ZNF524: variants seen among roughly 807,000 people sequenced by gnomAD.
ZNF524 encodes zinc finger protein 524.
For missense variants in ZNF524, 388 were observed against 380.1 expected, an observed-to-expected ratio of 1.02 and a Z score of -0.17; for synonymous variants, 194 against 166.3, an observed-to-expected ratio of 1.17 and a Z score of -1.28.
Position 55,603,058 on chromosome 19 carries a change from C to A in ZNF524, c.*151C>A. The A allele has an allele frequency of 1.1e-6, 1 of 932,374 alleles. No individual in the cohort carries two copies. The highest frequency in any genetic ancestry group is 1.7e-5 in the African/African-American group (1 of 59,764). 57.8% of individuals were successfully genotyped at this position (932,374 alleles called of 1,614,324 possible). On this transcript the variant is annotated 3_prime_UTR_variant, in exon 2 of 2. Transcript: ENST00000301073. ...AGGGTGGAGACCTAAACTTTGGGGT[C>A]CAGCTGCCTTCAGCCCCCCTCCCCC...
At position 55,603,054 on chromosome 19, in the gene ZNF524, G is replaced by A. The variant is rs114204905; in HGVS notation, c.*147G>A. 2,200 of 965,508 alleles carry A rather than the reference G, an allele frequency of 2.3e-3. 44 individuals are homozygous for A. In the African/African-American group the frequency reaches 0.033, roughly 14 times the overall value. The allele number at this position is 965,508 out of a possible 1,614,324, so 59.8% of individuals were successfully genotyped here. A position where few individuals can be genotyped will look rare whatever the true frequency, so the allele number is the denominator to read the frequency against. On this transcript the variant is annotated 3_prime_UTR_variant, in exon 2 of 2. Transcript: ENST00000301073. ...GTGGAGGGTGGAGACCTAAACTTTG[G>A]GGTCCAGCTGCCTTCAGCCCCCCTC...
chr19:55,602,798 T>G lies in ZNF524; in HGVS notation c.686T>G (p.Leu229Arg). Residue 229 changes from leucine (L) to arginine (R), a missense_variant, in exon 2 of 2, where the codon CTG becomes CGG. Physicochemically the swap from Leu to Arg is moderately radical, Grantham distance 102 (BLOSUM62 -2). Coordinates refer to ENST00000301073, the MANE Select transcript of ZNF524 (RefSeq NM_153219.4). The stretch of plus-strand genomic sequence containing the variant: ...CACCCGGAGGCCATGGGGGTACCCC[T>G]GTGTGCACCAGATCCAGGGTCTGAA... Reference protein sequence around the residue: ...RKHPEAMGVPLCAPDPGSEPP... With the variant: ...RKHPEAMGVPRCAPDPGSEPP... 6.2e-7 allele frequency: 1 copy of G among 1,611,278 alleles called. No individual in the cohort carries two copies.
At chr19:55,602,053 C>T (rs1980706342) in intron 1 of ZNF524, 22 bp from the exon 2 acceptor site, 2 of 1,476,028 alleles carry the variant, frequency 1.4e-6, no homozygotes, top group South Asian at 1.4e-5. Context: ...TGAGCACTGA[C>T]TCTGCCCCTC....
In ZNF524 at chr19:55,602,850, G is replaced by A; in HGVS notation, c.738G>A (p.Pro246=). 1.2e-6 allele frequency: 2 copies of A among 1,607,216 alleles called. No individual in the cohort carries two copies. Among genetic ancestry groups the A allele is most frequent in the Non-Finnish European group, 1.7e-6 (2 of 1,177,984 alleles). The stretch of plus-strand genomic sequence containing the variant: ...CGCCGTGGGACGAGGAGGGCATCCC[G>A]GCCACAGCAGGGGCCGAGGAGGAGG... The part of the protein sequence containing the change: ...SEPPWDEEGI[P]ATAGAEEEEE... Residue 246 remains proline, a synonymous_variant, in exon 2 of 2, where the codon CCG becomes CCA. Transcript: ENST00000301073.
upstream of ZNF524, chr19:55,599,590 C>G (rs1363028512): frequency 6.6e-6 from 1 of 152,462 alleles, no homozygotes; most frequent in South Asian, 2.0e-4. Flanking sequence ...TTCTCCCGCC[C>G]TCTTGGCTCC....
At chr19:55,600,089 G>C (rs1185299146), upstream of ZNF524, 5 of 152,250 alleles carry the variant, frequency 3.3e-5, no homozygotes, top group Admixed American at 3.3e-4. Flanking sequence ...GAGGTGGTTG[G>C]GGATGTGGTG....
intron 1 of ZNF524, 96 bp downstream of exon 1, chr19:55,600,504 CT>C (rs1980611838): frequency 6.6e-6 from 1 of 150,746 alleles, no homozygotes; most frequent in Non-Finnish European, 1.5e-5. Context: ...ACACCTGTTC[CT>C]GCTCCCGCGC....
In ZNF524 at chr19:55,602,244, G is replaced by T; in HGVS notation, c.132G>T (p.Arg44=). 1.2e-6 allele frequency: 2 copies of T among 1,611,366 alleles called. No homozygotes were observed. Among genetic ancestry groups the T allele is most frequent in the Non-Finnish European group, 1.7e-6 (2 of 1,179,100 alleles). The change falls in exon 2 of 2, where the codon CGG becomes CGT. Residue 44 remains arginine (R), a synonymous_variant. Transcript: ENST00000301073. ...CTGGGGGAGCCACCTCCTCAAATCG[G>T]ACACTCAAGGCCTCCCTCCCTCGCA... is the stretch of plus-strand genomic sequence containing the variant. The part of the protein sequence containing the change: ...RRPGGATSSN[R]TLKASLPRKR...
chr19:55,603,128 T>G lies in ZNF524; in HGVS notation c.*221T>G. ...GGCAGGGGCTGTGGAAATAAATCTC[T>G]GCCTGCTGGCTGCCTGTGTGTGTTC... On this transcript the variant is annotated 3_prime_UTR_variant, in exon 2 of 2. Coordinates refer to ENST00000301073, the MANE Select transcript of ZNF524 (RefSeq NM_153219.4). The G allele has an allele frequency of 3.4e-6, 2 of 591,732 alleles. No individual in the cohort carries two copies. Among genetic ancestry groups the G allele is most frequent in the Non-Finnish European group, 6.0e-6 (2 of 331,630 alleles). 36.7% of individuals were successfully genotyped at this position (591,732 alleles called of 1,614,324 possible).
At position 55,602,701 on chromosome 19, in the gene ZNF524, C is replaced by T. The variant is rs1329455106; in HGVS notation, c.589C>T (p.Pro197Ser). 6.2e-7 allele frequency: 1 copy of T among 1,602,340 alleles called. No individual in the cohort carries two copies. Residue 197 changes from proline (P) to serine (S), a missense_variant, in exon 2 of 2, where the codon CCG becomes TCG. Physicochemically the swap from Pro to Ser is moderately conservative, Grantham distance 74 (BLOSUM62 -1). Transcript: ENST00000301073. ...HHHRVHSGER[P>S]YQCPICRLRF... ...CCACCGCGTGCACTCGGGGGAGCGCCCGTACCAGTGCCCCATCTGCCGGCT... is the reference window on the plus strand; with the variant it reads ...CCACCGCGTGCACTCGGGGGAGCGCTCGTACCAGTGCCCCATCTGCCGGCT...
rs1363285687 is a variant in ZNF524, at chr19:55,600,323, C to A, written c.-124C>A. The A allele has an allele frequency of 6.7e-6, 1 of 149,868 alleles. No individual in the cohort carries two copies. The highest frequency in any genetic ancestry group is 1.5e-5 in the Non-Finnish European group (1 of 67,236). 9.3% of individuals were successfully genotyped at this position (149,868 alleles called of 1,614,324 possible). A position where few individuals can be genotyped will look rare whatever the true frequency, so the allele number is the denominator to read the frequency against. ...CCTCGCCGCCGCCGAGGGGCAGGGC[C>A]CCCTCACCCCCTCCCCTTCCCACGC... On this transcript the variant is annotated 5_prime_UTR_variant, in exon 1 of 2. Transcript: ENST00000301073.
chr19:55,601,254 C>T (rs1289244236), intron 1 of ZNF524: 1 of 152,240 alleles, frequency 6.6e-6, no homozygotes, highest in East Asian at 1.9e-4. Context: ...AGGCAACTGA[C>T]TTGGCTTTCC....
In ZNF524 at chr19:55,603,105, C is replaced by T. The variant is rs539980552; in HGVS notation, c.*198C>T. 4 of 641,788 alleles carry T rather than the reference C, an allele frequency of 6.2e-6. No individual in the cohort carries two copies. Among genetic ancestry groups the T allele is most frequent in the Non-Finnish European group, 1.1e-5 (4 of 371,074 alleles). The allele number at this position is 641,788 out of a possible 1,614,324, so 39.8% of individuals were successfully genotyped here. On this transcript the variant is annotated 3_prime_UTR_variant, in exon 2 of 2. Transcript: ENST00000301073. ...CCCCAGACTAACAGACCCTTGGAGGCAGGGGCTGTGGAAATAAATCTCTGC... is the reference window on the plus strand; with the variant it reads ...CCCCAGACTAACAGACCCTTGGAGGTAGGGGCTGTGGAAATAAATCTCTGC...
At position 55,602,182 on chromosome 19, in the gene ZNF524, T is replaced by C. The variant is rs150790619; in HGVS notation, c.70T>C (p.Ser24Pro). The stretch of plus-strand genomic sequence containing the variant: ...GGAGGAAGAGAAACCTCTGGCCTTA[T>C]CTCCTCCTGTTCCCCGGGGCCGCCG... The part of the protein sequence containing the change: ...PGEEEKPLAL[S>P]PPVPRGRRGR... The change falls in exon 2 of 2, where the codon TCT becomes CCT. Residue 24 changes from serine to proline, a missense_variant. Coordinates refer to ENST00000301073, the MANE Select transcript of ZNF524 (RefSeq NM_153219.4). The C allele has an allele frequency of 8.1e-5, 130 of 1,608,302 alleles. No individual in the cohort carries two copies. The African/African-American group carries it at 1.4e-3, about 17-fold the overall frequency.
chr19:55,600,533 G>C (rs916278092), intron 1 of ZNF524, 125 bp downstream of exon 1: 4 of 146,344 alleles, frequency 2.7e-5, no homozygotes, highest in African/African-American at 1.0e-4. Context: ...CCGCGAAGCC[G>C]TCCGGGCGCG....
Position 55,602,330 on chromosome 19 carries a change from C to T in ZNF524, c.218C>T (p.Thr73Ile), listed in dbSNP as rs1980730424. 3 of 1,578,108 alleles carry T rather than the reference C, an allele frequency of 1.9e-6. No homozygotes were observed. The highest frequency in any genetic ancestry group is 2.7e-5 in the African/African-American group (2 of 73,934). Reference protein sequence around the residue: ...EPPLVQVQGVTAPVGSSGGSD... With the variant: ...EPPLVQVQGVIAPVGSSGGSD... Reference sequence around the variant, plus strand: ...CCACTGGTGCAGGTGCAGGGGGTGACAGCCCCAGTAGGCAGCAGTGGCGGG... The same window carrying T: ...CCACTGGTGCAGGTGCAGGGGGTGATAGCCCCAGTAGGCAGCAGTGGCGGG... Residue 73 changes from threonine (T) to isoleucine (I), a missense_variant, in exon 2 of 2, where the codon ACA (threonine) becomes ATA (isoleucine). By Grantham distance (89) the Thr-to-Ile change is moderately conservative. Coordinates refer to ENST00000301073, the MANE Select transcript of ZNF524 (RefSeq NM_153219.4).
upstream of ZNF524, chr19:55,600,184 C>T (rs970775185): frequency 1.3e-5 from 2 of 151,982 alleles, no homozygotes; most frequent in African/African-American, 4.8e-5. Context: ...GTCGTTAGGA[C>T]CCAGCGAGTC....
Position 55,602,509 on chromosome 19 carries a change from A to G in ZNF524, c.397A>G (p.Ser133Gly). Residue 133 changes from serine (S) to glycine (G), a missense_variant, in exon 2 of 2, where the codon AGC becomes GGC. Ser to Gly is a moderately conservative substitution (Grantham distance 56). Coordinates refer to ENST00000301073, the MANE Select transcript of ZNF524 (RefSeq NM_153219.4). ...CTACCTCTCCGACCTGGAGCGCCAC[A>G]GCATCTCGCACTCAGAGCTGAAGCC... ...FPYLSDLERH[S>G]ISHSELKPHQ... The G allele has an allele frequency of 6.3e-7, 1 of 1,598,132 alleles. No homozygotes were observed.
Position 55,602,576 on chromosome 19 carries a change from G to T in ZNF524, c.464G>T (p.Ser155Ile). 1 of 1,585,606 alleles carries T rather than the reference G, an allele frequency of 6.3e-7. No individual in the cohort carries two copies. Among genetic ancestry groups the T allele is most frequent in the Non-Finnish European group, 8.5e-7 (1 of 1,172,224 alleles). ...TGCGGCAAGACCTTCAAGCGCTCCA[G>T]CCACCTGCGGCGGCACTGCAACATC... ...KVCGKTFKRS[S>I]HLRRHCNIHA... Residue 155 changes from serine to isoleucine, a missense_variant, in exon 2 of 2, where the codon AGC becomes ATC. Transcript: ENST00000301073.
Sources: allele counts gnomAD v4.1 joint callset, GRCh38; gene constraint gnomAD v4.1.1; transcripts MANE v1.5; gene names NCBI Gene and HGNC (gene_info 2026-07-23, HGNC 2026-07-21).